The following APBB2 variants were observed in gnomAD, a reference collection of about 807,000 sequenced individuals.
APBB2 encodes the protein Fe65-like 1.
In APBB2, 38 loss-of-function variants were observed where a neutral mutation model predicts 82.5. The observed-to-expected ratio is 0.46, with a 90% CI of 0.36 to 0.60. APBB2 has a LOEUF of 0.60. Ranked by LOEUF, APBB2 falls within the 20% of genes least tolerant of loss-of-function variation. The pLI is 0.00. For missense variants in APBB2, 772 were observed against 972.3 expected (o/e 0.79, Z 2.74); for synonymous variants, 341 against 368.2 (o/e 0.93, Z 0.85).
intron 6 of APBB2, among the ~76,000 whole-genome samples, chr4:40,960,104 T>C (rs1253638760): frequency 6.6e-6 from 1 of 152,166 alleles, no homozygotes. Flanking sequence ...GAGTGGTTAA[T>C]GGACAAGCTT....
At chr4:40,954,325 C>T (rs929608723) in intron 6 of APBB2, among the ~76,000 whole-genome samples, 3 of 152,144 alleles carry the variant, frequency 2.0e-5, no homozygotes, top group Non-Finnish European at 2.9e-5. Context: ...GGAAGGCAAT[C>T]GCTCCCTTCC....
chr4:41,027,275 G>A (rs1167533638), intron 5 of APBB2, among the ~76,000 whole-genome samples: 1 of 149,458 alleles, frequency 6.7e-6, no homozygotes, highest in Non-Finnish European at 1.5e-5. Context: ...AATTGTCTTG[G>A]GTGTGTACTC....
chr4:41,117,229 T>C (rs566335567), intron 2 of APBB2, among the ~76,000 whole-genome samples: 1 of 151,992 alleles, frequency 6.6e-6, no homozygotes, highest in Non-Finnish European at 1.5e-5. Context: ...AACTCTCATA[T>C]GTGTTCTTTC....
At chr4:41,189,206 G>A (rs1477757122) in intron 1 of APBB2, among the ~76,000 whole-genome samples, 4 of 152,136 alleles carry the variant, frequency 2.6e-5, no homozygotes, top group Non-Finnish European at 4.4e-5. Flanking sequence ...AAAAACATGA[G>A]CTGTTGCTAC....
At chr4:41,145,760 T>C (rs3113456) in intron 1 of APBB2, among the ~76,000 whole-genome samples, 149,597 of 152,320 alleles carry the variant, frequency 0.98, 73,530 homozygotes, top group East Asian at 1. Context: ...AAAACTACAC[T>C]TGCACCAAGC....
At chr4:41,031,802 A>G (rs1175106761) in intron 5 of APBB2, among the ~76,000 whole-genome samples, 1 of 152,250 alleles carries the variant, frequency 6.6e-6, no homozygotes, top group Non-Finnish European at 1.5e-5. Context: ...GATCCCTAAA[A>G]GAATTATTCT....
intron 4 of APBB2, among the ~76,000 whole-genome samples, chr4:41,052,586 C>T (rs1000312425): frequency 3.3e-5 from 5 of 152,166 alleles, no homozygotes; most frequent in African/African-American, 9.7e-5. Context: ...ACACACCTAA[C>T]AGTTTCTGTG....
intron 10 of APBB2, among the ~76,000 whole-genome samples, chr4:40,916,637 C>T (rs543997256): frequency 2.4e-4 from 36 of 152,236 alleles, no homozygotes; most frequent in African/African-American, 8.4e-4. Flanking sequence ...CCTGTGTGTA[C>T]GTGGCCACCA....
chr4:41,048,117 C>T (rs749709751), intron 4 of APBB2, among the ~76,000 whole-genome samples: 13 of 152,220 alleles, frequency 8.5e-5, no homozygotes, highest in Non-Finnish European at 1.6e-4. Context: ...GCCTAGAAGA[C>T]ATTTGGCAGT....
intron 3 of APBB2, among the ~76,000 whole-genome samples, chr4:41,069,078 G>A (rs1457369835): frequency 6.6e-6 from 1 of 152,162 alleles, no homozygotes; most frequent in Non-Finnish European, 1.5e-5. Flanking sequence ...ACAGGCGTGA[G>A]CCACCATGCC....
At position 40,848,884 on chromosome 4, in the gene APBB2, C is replaced by T. The variant is rs1040989849; in HGVS notation, c.1530-18307G>A. 1.2e-5 allele frequency: 12 copies of T among 985,262 alleles called. No homozygotes were observed. The African/African-American group carries it at 1.7e-4, about 14-fold the overall frequency. 61.0% of individuals were successfully genotyped at this position (985,262 alleles called of 1,614,324 possible). ...CCTCCAAAAGAACCCTGAGGATCCCCCAGTCATTGTCAACATTCACAGCCA... is the reference window on the plus strand; with the variant it reads ...CCTCCAAAAGAACCCTGAGGATCCCTCAGTCATTGTCAACATTCACAGCCA... On this transcript the variant is annotated intron_variant, in intron 12 of 17. Coordinates refer to ENST00000508593, the MANE Select transcript of APBB2 (RefSeq NM_004307.2).
At chr4:41,118,961 G>A (rs1003225365) in intron 2 of APBB2, among the ~76,000 whole-genome samples, 1 of 151,914 alleles carries the variant, frequency 6.6e-6, no homozygotes, top group Non-Finnish European at 1.5e-5. Flanking sequence ...GCAATACAGC[G>A]AAACCCCAAC....
intron 6 of APBB2, among the ~76,000 whole-genome samples, chr4:41,001,287 T>C (rs1805157462): frequency 6.6e-6 from 1 of 152,236 alleles, no homozygotes; most frequent in Non-Finnish European, 1.5e-5. Flanking sequence ...AAATAGACTT[T>C]CATGGGCAAA....
At chr4:41,122,616 C>T (rs1239412632) in intron 2 of APBB2, among the ~76,000 whole-genome samples, 6 of 152,160 alleles carry the variant, frequency 3.9e-5, no homozygotes, top group Non-Finnish European at 8.8e-5. Context: ...TTTGATCCTA[C>T]TTTTATAACA....
At chr4:41,172,099 C>A (rs550720749) in intron 1 of APBB2, among the ~76,000 whole-genome samples, 1 of 152,086 alleles carries the variant, frequency 6.6e-6, no homozygotes, top group Non-Finnish European at 1.5e-5. Context: ...GACTCCATCT[C>A]GAAACAATAA....
At chr4:40,913,026 C>T (rs936620256) in intron 10 of APBB2, among the ~76,000 whole-genome samples, 4 of 152,154 alleles carry the variant, frequency 2.6e-5, no homozygotes, top group Non-Finnish European at 5.9e-5. Flanking sequence ...AGCTGAGAAA[C>T]GTTATTTGCA....
At chr4:41,135,043 C>T (rs557478440) in intron 2 of APBB2, among the ~76,000 whole-genome samples, 1 of 152,012 alleles carries the variant, frequency 6.6e-6, no homozygotes, top group South Asian at 2.1e-4. Flanking sequence ...CTCCAGACTT[C>T]TTATTTCTAG....
At chr4:40,839,269 A>G (rs1301367468) in intron 12 of APBB2, among the ~76,000 whole-genome samples, 1 of 151,548 alleles carries the variant, frequency 6.6e-6, no homozygotes, top group Admixed American at 6.6e-5. Context: ...TAAATGATGA[A>G]CGCAACCTTG....
chr4:41,031,303 C>T (rs1716694436), intron 5 of APBB2, among the ~76,000 whole-genome samples: 1 of 152,146 alleles, frequency 6.6e-6, no homozygotes, highest in Admixed American at 6.6e-5. Flanking sequence ...AGTCACAGCT[C>T]CCTAGAGTTA....
Sources: gnomAD v4.1 joint callset for allele counts (sites outside exome capture counted in the v4.1 genomes callset) on GRCh38, gnomAD v4.1.1 for gene constraint, MANE v1.5 for transcripts, NCBI Gene and HGNC (gene_info 2026-07-23, HGNC 2026-07-21) for gene names.